Variants in MYO16 observed in about 807,000 individuals in gnomAD.
MYO16 encodes unconventional myosin-XVI.
Under a neutral mutation model 205.3 loss-of-function variants are expected in MYO16, and 94 were observed. The ratio of observed to expected loss-of-function variants is 0.46; its 90% CI spans 0.39 to 0.54. The LOEUF is 0.54. MYO16 is among the 20% of genes least tolerant of loss of function. The pLI is 0.00. For missense variants in MYO16, 2,315 were observed against 2,387.5 expected, an observed-to-expected ratio of 0.97 and a Z score of 0.63; for synonymous variants, 988 against 954.0, an observed-to-expected ratio of 1.04 and a Z score of -0.66.
chr13:109,085,598 G>A lies in MYO16; in HGVS notation c.3336-15187G>A, dbSNP rs114809951. Among the ~76,000 whole-genome samples the A allele has an allele frequency of 6.0e-3, 920 of 152,306 alleles. 12 individuals carry two copies. The highest frequency in any genetic ancestry group is 0.021 in the African/African-American group (871 of 41,550). The stretch of plus-strand genomic sequence containing the variant: ...ATAGGTGTGAAGGTCAAGAAAGGGA[G>A]GATTGCATTTGAGTACATAACATTT... On this transcript the variant is annotated intron_variant, in intron 27 of 34. Coordinates refer to ENST00000457511, the MANE Select transcript of MYO16 (RefSeq NM_001198950.3).
intron 34 of MYO16, among the ~76,000 whole-genome samples, chr13:109,202,550 T>C (rs1880439055): frequency 6.6e-6 from 1 of 152,182 alleles, no homozygotes; most frequent in African/African-American, 2.4e-5. Flanking sequence ...CGAAAGAAAT[T>C]ATAGATGATG....
chr13:108,710,845 C>T (rs1883691069), intron 2 of MYO16, among the ~76,000 whole-genome samples: 1 of 152,194 alleles, frequency 6.6e-6, no homozygotes, highest in Non-Finnish European at 1.5e-5. Flanking sequence ...TGAGATCACA[C>T]TTATGCTATT....
chr13:109,098,713 A>G (rs12428333), intron 27 of MYO16, among the ~76,000 whole-genome samples: 1,898 of 152,268 alleles, frequency 0.012, 24 homozygotes, highest in South Asian at 0.032. Context: ...AAACAGTGAC[A>G]TGACCTCTTT....
At chr13:109,075,566 G>A (rs1228655434) in intron 27 of MYO16, among the ~76,000 whole-genome samples, 1 of 151,882 alleles carries the variant, frequency 6.6e-6, no homozygotes, top group African/African-American at 2.4e-5. Flanking sequence ...AGTAGAGACG[G>A]GGTTTCACTA....
intron 14 of MYO16, among the ~76,000 whole-genome samples, chr13:108,891,005 C>G (rs1880144955): frequency 1.3e-5 from 2 of 152,142 alleles, no homozygotes; most frequent in African/African-American, 4.8e-5. Context: ...AGTGCCTGTC[C>G]CTGGAATTCA....
Position 109,177,499 on chromosome 13 carries a change from GTATT to G in MYO16, c.5324-2026_5324-2023del, listed in dbSNP as rs540959982. On this transcript the variant is annotated intron_variant, in intron 33 of 34. Coordinates refer to ENST00000457511, the MANE Select transcript of MYO16 (RefSeq NM_001198950.3). The stretch of plus-strand genomic sequence containing the variant: ...TCTGAGATCCAACTTCTAATTTTAT[GTATT>G]TATTTATTTATTTATTATTTATTTA... Among the ~76,000 whole-genome samples the G allele has an allele frequency of 4.2e-3, 636 of 151,938 alleles. 3 individuals carry two copies. The highest frequency in any genetic ancestry group is 0.014 in the African/African-American group (593 of 41,456).
At chr13:108,628,108 AT>A (rs1402904563), upstream of MYO16, among the ~76,000 whole-genome samples, 1 of 152,208 alleles carries the variant, frequency 6.6e-6, no homozygotes, top group Non-Finnish European at 1.5e-5. Flanking sequence ...TTATTGAAAC[AT>A]TACAAAACAT....
chr13:109,011,477 C>CTT (rs775054349), intron 22 of MYO16, among the ~76,000 whole-genome samples: 90 of 125,732 alleles, frequency 7.2e-4, no homozygotes, highest in African/African-American at 2.4e-3. Flanking sequence ...TTTCTTTTTG[C>CTT]TTTTTTTTTT....
At position 109,191,233 on chromosome 13, in the gene MYO16, T is replaced by A. The variant is rs565332108; in HGVS notation, c.5415+11600T>A. 9.2e-5 allele frequency among the ~76,000 whole-genome samples: 14 copies of A among 151,518 alleles called. 1 individual carries two copies. In the South Asian group the frequency reaches 2.9e-3, roughly 32 times the overall value. On this transcript the variant is annotated intron_variant, in intron 34 of 34. Coordinates refer to ENST00000457511, the MANE Select transcript of MYO16 (RefSeq NM_001198950.3). ...AAACTCTGTCTCGAAAAAAAAAAAA[T>A]TGAATTTTCAAAGGCTCATTCATTG... is the stretch of plus-strand genomic sequence containing the variant.
chr13:109,122,679 T>G (rs577411984), intron 29 of MYO16, among the ~76,000 whole-genome samples: 4 of 141,526 alleles, frequency 2.8e-5, no homozygotes, highest in African/African-American at 7.9e-5. Flanking sequence ...AGAGTGAAAC[T>G]CTGTCTCAAA....
Position 109,140,314 on chromosome 13 carries a change from A to T in MYO16, c.4102A>T (p.Ile1368Phe), listed in dbSNP as rs757768321. 2.2e-5 allele frequency: 36 copies of T among 1,602,404 alleles called. No individual in the cohort carries two copies. Among genetic ancestry groups the T allele is most frequent in the Non-Finnish European group, 1.7e-6 (2 of 1,179,350 alleles). ...CGACGACTACAGCACCATGAAGAAG[A>T]TTCCTCCTCGAAAGCCCAAGCGCAG... Reference protein sequence around the residue: ...HSDDYSTMKKIPPRKPKRSPN... With the variant: ...HSDDYSTMKKFPPRKPKRSPN... The change falls in exon 32 of 35, where the codon ATT (isoleucine) becomes TTT (phenylalanine). Residue 1368 changes from isoleucine (I) to phenylalanine (F), a missense_variant. Physicochemically the swap from Ile to Phe is conservative, Grantham distance 21. Around this residue, in one of 3 missense-constraint regions of MYO16, gnomAD observed 1,097 missense variants for 1,092.0 expected, o/e 1.00. Transcript: ENST00000457511. The surrounding 1 kb of genome is among the most constrained non-coding windows in gnomAD (Gnocchi z 8.0).
intron 9 of MYO16, among the ~76,000 whole-genome samples, chr13:108,842,081 GA>G (rs1380161426): frequency 2.6e-5 from 4 of 151,982 alleles, no homozygotes; most frequent in African/African-American, 7.2e-5. Context: ...AGTCAAAATG[GA>G]TGAAAGACTT....
chr13:109,109,053 T>G (rs544015222), intron 28 of MYO16, among the ~76,000 whole-genome samples: 20 of 152,288 alleles, frequency 1.3e-4, no homozygotes, highest in African/African-American at 4.1e-4. Context: ...AAAATAACTT[T>G]GCTATTACAA....
Position 109,136,423 on chromosome 13 carries a change from G to A in MYO16, c.4052-3841G>A, listed in dbSNP as rs550092644. 3.1e-3 allele frequency among the ~76,000 whole-genome samples: 467 copies of A among 152,236 alleles called. 1 individual carries two copies. The highest frequency in any genetic ancestry group is 0.011 in the African/African-American group (453 of 41,546). ...TCATTTCTTAACATTCAAATTATTT[G>A]CCATCTGAAGAGCCTGGCAGTGAGG... On this transcript the variant is annotated intron_variant, in intron 31 of 34. Transcript: ENST00000457511.
chr13:108,715,463 T>C (rs1254636739), intron 3 of MYO16, among the ~76,000 whole-genome samples: 1 of 152,232 alleles, frequency 6.6e-6, no homozygotes, highest in Non-Finnish European at 1.5e-5. Context: ...TATTTTCTAT[T>C]TCCTAGAATG....
chr13:108,624,853 A>C (rs1222562328), upstream of MYO16, among the ~76,000 whole-genome samples: 1 of 151,762 alleles, frequency 6.6e-6, no homozygotes, highest in Non-Finnish European at 1.5e-5. Context: ...ATCAATGCAC[A>C]TGCATGTATT....
intron 1 of MYO16, among the ~76,000 whole-genome samples, chr13:108,633,011 C>T (rs1880057524): frequency 1.3e-5 from 2 of 152,146 alleles, no homozygotes; most frequent in African/African-American, 4.8e-5. Context: ...CTACACCTGA[C>T]CTATTTCTCT....
At chr13:108,732,153 A>G (rs1316185190) in intron 4 of MYO16, among the ~76,000 whole-genome samples, 2 of 152,336 alleles carry the variant, frequency 1.3e-5, no homozygotes, top group Admixed American at 1.3e-4. Flanking sequence ...AATGTGGAAG[A>G]CTGTATGCTC....
chr13:108,955,099 A>C (rs879344427), intron 16 of MYO16, among the ~76,000 whole-genome samples: 7 of 152,104 alleles, frequency 4.6e-5, no homozygotes, highest in Non-Finnish European at 8.8e-5. Context: ...CTCCTGGAAA[A>C]ACCAAAGCCA....
Sources: gnomAD v4.1 joint callset for allele counts (sites outside exome capture counted in the v4.1 genomes callset) on GRCh38, gnomAD v4.1.1 for gene constraint, gnomAD v4.1.1 regional missense constraint, Gnocchi (gnomAD v3.1) non-coding constraint, MANE v1.5 for transcripts, NCBI Gene and HGNC (gene_info 2026-07-23, HGNC 2026-07-21) for gene names.